Variants in SH2B3 observed in about 807,000 individuals in gnomAD.
SH2B3 encodes the protein SH2B adapter protein 3.
A neutral mutation model predicts 51.9 loss-of-function variants in SH2B3; 43 were observed. That is an observed-to-expected ratio of 0.83 (90% CI 0.65 to 1.07). The LOEUF (loss-of-function observed/expected upper bound fraction) is 1.07. SH2B3 is among the 50% of genes least tolerant of loss of function. The pLI is 0.00. For synonymous variants in SH2B3, 396 were observed against 376.0 expected (o/e 1.05, Z -0.62); for missense variants, 952 against 834.3 (o/e 1.14, Z -1.74).
rs190214955 is a variant in SH2B3 at position 111,437,309 on chromosome 12, T to G, written c.733-9444T>G. On this transcript the variant is annotated intron_variant, in intron 2 of 7. Coordinates refer to ENST00000341259, the MANE Select transcript of SH2B3 (RefSeq NM_005475.3). ...TCTGTTTCTGGCATTGGGGGGCTCT[T>G]GCCAGGAAAGGGCTTTTCTGGCAGC... Among the ~76,000 whole-genome samples the G allele has an allele frequency of 3.5e-3, 540 of 152,316 alleles. 13 individuals carry two copies. Among genetic ancestry groups the G allele is most frequent in the Admixed American group, 0.033 (506 of 15,308 alleles).
rs1481421319 is a variant in SH2B3 at position 111,451,399 on chromosome 12, G to A, written c.*3097G>A. On this transcript the variant is annotated 3_prime_UTR_variant, in exon 8 of 8. Coordinates refer to ENST00000341259, the MANE Select transcript of SH2B3 (RefSeq NM_005475.3). Reference sequence around the variant, plus strand: ...TCCCACAAGCTAGAGGAACTTGCGAGTATATTAACAAGGACACATCTGACA... The same window carrying A: ...TCCCACAAGCTAGAGGAACTTGCGAATATATTAACAAGGACACATCTGACA... The A allele has an allele frequency of 6.6e-6, 1 of 152,638 alleles. No homozygotes were observed. Among genetic ancestry groups the A allele is most frequent in the Non-Finnish European group, 1.5e-5 (1 of 68,050 alleles). The allele number at this position is 152,638 out of a possible 1,614,324, so 9.5% of individuals were successfully genotyped here.
chr12:111,415,619 A>ATTTT (rs539807079), intron 1 of SH2B3, among the ~76,000 whole-genome samples: 1 of 122,832 alleles, frequency 8.1e-6, no homozygotes, highest in Non-Finnish European at 1.8e-5. Context: ...TGTGTGTGTG[A>ATTTT]TTTTTTTTTT....
chr12:111,436,070 G>T (rs1324859646), intron 2 of SH2B3, among the ~76,000 whole-genome samples: 1 of 152,224 alleles, frequency 6.6e-6, no homozygotes, highest in Non-Finnish European at 1.5e-5. Context: ...GATGGAAGCT[G>T]CTGCATGCCC....
At position 111,446,791 on chromosome 12, in the gene SH2B3, C is replaced by A; in HGVS notation, c.771C>A (p.Ile257=). 1.9e-6 allele frequency: 3 copies of A among 1,563,662 alleles called. No individual in the cohort carries two copies. In the South Asian group the frequency reaches 3.7e-5, roughly 19 times the overall value. The change falls in exon 3 of 8, where the codon ATC becomes ATA. Residue 257 remains isoleucine (I), a synonymous_variant. Coordinates refer to ENST00000341259, the MANE Select transcript of SH2B3 (RefSeq NM_005475.3). ...AGCTACAAGCAGCTTGCTCCAGCAT[C>A]CAGGAGGTCCGGTGGTGCACACGGC... ...RPKLQAACSS[I]QEVRWCTRLE... is the part of the protein sequence containing the mutation.
At chr12:111,437,846 C>G (rs754299272) in intron 2 of SH2B3, among the ~76,000 whole-genome samples, 13 of 152,176 alleles carry the variant, frequency 8.5e-5, no homozygotes, top group Non-Finnish European at 1.5e-4. Context: ...CAGGTACCTA[C>G]CCAAGTGCTC....
intron 2 of SH2B3, among the ~76,000 whole-genome samples, chr12:111,424,595 T>C (rs1020545565): frequency 3.9e-5 from 6 of 152,102 alleles, no homozygotes; most frequent in African/African-American, 1.4e-4. Flanking sequence ...TGGCTGGGGC[T>C]CTGTCACAGG....
Position 111,447,462 on chromosome 12 carries a change from C to A in SH2B3, c.1154C>A (p.Ala385Asp). Reference protein sequence around the residue: ...AQLVQLQGPDAHGVFLVRQSE... With the variant: ...AQLVQLQGPDDHGVFLVRQSE... ...CTGGTTCAGCTGCAGGGCCCTGATG[C>A]TCATGGAGTGTTCCTGGTGCGGCAG... Residue 385 changes from alanine to aspartate, a missense_variant, in exon 6 of 8, where the codon GCT (alanine) becomes GAT (aspartate). By Grantham distance (126) the Ala-to-Asp change is moderately radical. Coordinates refer to ENST00000341259, the MANE Select transcript of SH2B3 (RefSeq NM_005475.3). The A allele has an allele frequency of 6.2e-6, 10 of 1,611,746 alleles. No homozygotes were observed. The highest frequency in any genetic ancestry group is 7.6e-6 in the Non-Finnish European group (9 of 1,179,554).
chr12:111,441,456 A>C (rs1010224668), intron 2 of SH2B3, among the ~76,000 whole-genome samples: 1 of 152,078 alleles, frequency 6.6e-6, no homozygotes, highest in Non-Finnish European at 1.5e-5. Context: ...CACAGGACTA[A>C]GTGTCCCAAA....
chr12:111,426,181 G>T (rs945628523), intron 2 of SH2B3, among the ~76,000 whole-genome samples: 1 of 152,092 alleles, frequency 6.6e-6, no homozygotes, highest in Non-Finnish European at 1.5e-5. Context: ...TCCTCCCAGT[G>T]TAGGGCAGGA....
At chr12:111,422,949 G>A (rs1353176622) in intron 2 of SH2B3, among the ~76,000 whole-genome samples, 8 of 151,710 alleles carry the variant, frequency 5.3e-5, no homozygotes, top group Non-Finnish European at 8.8e-5. Flanking sequence ...TGTCCGCCTC[G>A]GCCTCCCAAA....
intron 2 of SH2B3, among the ~76,000 whole-genome samples, chr12:111,420,181 C>T (rs186828908): frequency 1.2e-4 from 18 of 152,094 alleles, no homozygotes; most frequent in Non-Finnish European, 2.6e-4. Context: ...AAGAATTTGT[C>T]CTTTGGCAAA....
chr12:111,439,250 A>G (rs1436224069), intron 2 of SH2B3, among the ~76,000 whole-genome samples: 1 of 151,276 alleles, frequency 6.6e-6, no homozygotes, highest in African/African-American at 2.4e-5. Context: ...CCTGGGTTCA[A>G]GCGATTCTCC....
chr12:111,442,607 A>C (rs1431434221), intron 2 of SH2B3, among the ~76,000 whole-genome samples: 2 of 152,166 alleles, frequency 1.3e-5, no homozygotes, highest in African/African-American at 4.8e-5. Flanking sequence ...GGGGTGTGTC[A>C]GATGCTGCCC....
rs1874407371 is a variant in SH2B3, at chr12:111,449,765, AATGAAAC to A, written c.*1464_*1470del. 6.6e-6 allele frequency: 1 copy of A among 152,138 alleles called. No homozygotes were observed. The highest frequency in any genetic ancestry group is 2.1e-4 in the South Asian group (1 of 4,830). 9.4% of individuals were successfully genotyped at this position (152,138 alleles called of 1,614,324 possible). ...TACAGATACATCGATCAGAGGCTAA[AATGAAAC>A]CTCAGCCTAAAACTCATAGGACTGA... is the stretch of plus-strand genomic sequence containing the variant. On this transcript the variant is annotated 3_prime_UTR_variant, in exon 8 of 8. Transcript: ENST00000341259.
At position 111,418,572 on chromosome 12, in the gene SH2B3, C is replaced by T. The variant is rs1473658393; in HGVS notation, c.427C>T (p.Arg143Cys). 8 of 1,482,086 alleles carry T rather than the reference C, an allele frequency of 5.4e-6. No homozygotes were observed. Among genetic ancestry groups the T allele is most frequent in the Admixed American group, 2.2e-5 (1 of 46,168 alleles). 91.8% of individuals were successfully genotyped at this position (1,482,086 alleles called of 1,614,324 possible). The change falls in exon 2 of 8, where the codon CGC becomes TGC. Residue 143 changes from arginine (R) to cysteine (C), a missense_variant. By Grantham distance (180) the Arg-to-Cys change is radical. Coordinates refer to ENST00000341259, the MANE Select transcript of SH2B3 (RefSeq NM_005475.3). This position sits in a 1 kb window ranked among gnomAD's most constrained non-coding sequence, Gnocchi z 6.7. ...CSFQHFRRSLRHIFRRRSAGE... is the reference protein window; with the variant it reads ...CSFQHFRRSLCHIFRRRSAGE... ...CTTCCAGCACTTTCGCCGCAGCCTC[C>T]GCCACATCTTCCGCCGCCGCTCGGC...
intron 2 of SH2B3, among the ~76,000 whole-genome samples, chr12:111,424,043 C>T (rs903646222): frequency 1.3e-5 from 2 of 152,124 alleles, no homozygotes; most frequent in Admixed American, 1.3e-4. Flanking sequence ...ACCCAGGAGG[C>T]GGAGGTTGCA....
At chr12:111,434,705 T>G in intron 2 of SH2B3, 1 of 834,206 alleles carries the variant, frequency 1.2e-6, no homozygotes, top group Non-Finnish European at 1.4e-6. Context: ...TTTATTCTAG[T>G]TCTGTCTTGG....
At chr12:111,434,614 C>T (rs1195211442) in intron 2 of SH2B3, 5 of 205,302 alleles carry the variant, frequency 2.4e-5, no homozygotes, top group African/African-American at 7.1e-5. Flanking sequence ...CAGTGATCTT[C>T]GCCTTTATGG....
chr12:111,412,695 G>A lies in SH2B3; in HGVS notation c.-27-5424G>A, dbSNP rs371279890. ...AGCAGTCTTCCCGCCTCAGCCTCCTGAGTAGCTGGGACTACAGGCCCAGCC... is the reference window on the plus strand; with the variant it reads ...AGCAGTCTTCCCGCCTCAGCCTCCTAAGTAGCTGGGACTACAGGCCCAGCC... On this transcript the variant is annotated intron_variant, in intron 1 of 7. Transcript: ENST00000341259. 7.9e-5 allele frequency among the ~76,000 whole-genome samples: 12 copies of A among 152,202 alleles called. No individual in the cohort carries two copies. The East Asian group carries it at 1.2e-3, about 15-fold the overall frequency.
Sources: gnomAD v4.1 joint callset for allele counts (sites outside exome capture counted in the v4.1 genomes callset) on GRCh38, gnomAD v4.1.1 for gene constraint, Gnocchi (gnomAD v3.1) non-coding constraint, MANE v1.5 for transcripts, NCBI Gene and HGNC (gene_info 2026-07-23, HGNC 2026-07-21) for gene names.